The following NFYB variants were observed in gnomAD, a reference collection of about 807,000 sequenced individuals.
NFYB encodes CAAT box DNA-binding protein subunit B.
NFYB carries 13 observed loss-of-function variants against 28.0 expected under a neutral mutation model. The ratio of observed to expected loss-of-function variants is 0.46; its 90% CI spans 0.30 to 0.74. The LOEUF (loss-of-function observed/expected upper bound fraction) is 0.74. Ranked by LOEUF, NFYB falls within the 30% of genes least tolerant of loss-of-function variation. The probability of loss-of-function intolerance (pLI) is 0.07; values close to 1 mark genes in which losing one functional copy is unlikely to be tolerated. For synonymous variants in NFYB, 74 were observed against 75.0 expected (o/e 0.99, Z 0.07); for missense variants, 142 against 247.6 (o/e 0.57, Z 2.86).
chr12:104,120,307 G>A (rs556129854), intron 7 of NFYB, 93 bp downstream of exon 7: 16 of 975,296 alleles, frequency 1.6e-5, no homozygotes, highest in East Asian at 1.3e-4. Context: ...CACCCACCTC[G>A]GCCTCCCAAG....
At chr12:104,134,267 C>T (rs1254711325) in intron 2 of NFYB, among the ~76,000 whole-genome samples, 2 of 152,160 alleles carry the variant, frequency 1.3e-5, no homozygotes, top group Admixed American at 6.5e-5. Context: ...ACTCAAGCAA[C>T]CCATGCCTGT....
At chr12:104,121,871 G>T (rs1189778051) in intron 5 of NFYB, among the ~76,000 whole-genome samples, 1 of 152,108 alleles carries the variant, frequency 6.6e-6, no homozygotes, top group Non-Finnish European at 1.5e-5. Context: ...AATTTAATGG[G>T]ATTCAAACAC....
rs543231592 is a variant in NFYB at position 104,121,043 on chromosome 12, G to A, written c.511+197C>T. On this transcript the variant is annotated intron_variant, in intron 6 of 7. Coordinates refer to ENST00000240055, the MANE Select transcript of NFYB (RefSeq NM_006166.4). ...AACTCAGTCAGAACTATCAGTGAAAGGTTATAATGTCTACAGAATTAAACT... is the reference window on the plus strand; with the variant it reads ...AACTCAGTCAGAACTATCAGTGAAAAGTTATAATGTCTACAGAATTAAACT... Among the ~76,000 whole-genome samples, 297 of 152,208 alleles carry A rather than the reference G, an allele frequency of 2.0e-3. 2 individuals are homozygous for A. The highest frequency in any genetic ancestry group is 6.9e-3 in the African/African-American group (288 of 41,538).
chr12:104,130,622 G>A (rs2030888838), intron 2 of NFYB, among the ~76,000 whole-genome samples: 2 of 152,146 alleles, frequency 1.3e-5, no homozygotes, highest in East Asian at 1.9e-4. Flanking sequence ...CCAATTAAAT[G>A]TATTTCCATA....
Position 104,126,101 on chromosome 12 carries a change from T to C in NFYB, c.231+13A>G. The C allele has an allele frequency of 6.4e-7, 1 of 1,566,720 alleles. No homozygotes were observed. The highest frequency in any genetic ancestry group is 8.6e-7 in the Non-Finnish European group (1 of 1,162,580). ...CCTTGAAAAAACCTAGTTAAATTTC[T>C]CCTCTACGTTACCTTTCCCGTTTGA... On this transcript the variant is annotated intron_variant, in intron 4 of 7. Transcript: ENST00000240055.
chr12:104,120,625 T>A (rs996632389), intron 6 of NFYB, 146 bp from the exon 7 acceptor site: 2 of 616,136 alleles, frequency 3.2e-6, no homozygotes, highest in Admixed American at 2.9e-5. Context: ...ATCCTCCAAT[T>A]TTCCATTTTA....
At chr12:104,124,864 G>T (rs1339402285) in intron 4 of NFYB, among the ~76,000 whole-genome samples, 1 of 151,998 alleles carries the variant, frequency 6.6e-6, no homozygotes, top group Non-Finnish European at 1.5e-5. Flanking sequence ...AAAACATAAG[G>T]ACAAAATTCT....
At chr12:104,132,942 CAA>C (rs1172378591) in intron 2 of NFYB, among the ~76,000 whole-genome samples, 1 of 152,148 alleles carries the variant, frequency 6.6e-6, no homozygotes, top group East Asian at 1.9e-4. Context: ...TAAATATGGA[CAA>C]AGAGTGGTTA....
chr12:104,126,534 A>C (rs1266125662), intron 3 of NFYB, among the ~76,000 whole-genome samples: 3 of 152,168 alleles, frequency 2.0e-5, no homozygotes, highest in Non-Finnish European at 4.4e-5. Flanking sequence ...CCACCTTCAA[A>C]AATGATCTTT....
chr12:104,128,186 C>T (rs2030790822), intron 3 of NFYB, among the ~76,000 whole-genome samples: 1 of 152,120 alleles, frequency 6.6e-6, no homozygotes, highest in South Asian at 2.1e-4. Context: ...AGAAACTGTA[C>T]AGATTTTAGA....
chr12:104,118,319 T>G lies in NFYB; in HGVS notation c.*1418A>C, dbSNP rs1259826186. Reference sequence around the variant, plus strand: ...TATTTGAATTTACTACAATGAAGTTTGTTTTTTAAATGGAGAGTAGGAGAT... The same window carrying G: ...TATTTGAATTTACTACAATGAAGTTGGTTTTTTAAATGGAGAGTAGGAGAT... On this transcript the variant is annotated 3_prime_UTR_variant, in exon 8 of 8. Transcript: ENST00000240055. The G allele has an allele frequency of 6.6e-6, 1 of 152,596 alleles. No homozygotes were observed. Among genetic ancestry groups the G allele is most frequent in the Non-Finnish European group, 1.5e-5 (1 of 68,026 alleles). 9.5% of individuals were successfully genotyped at this position (152,596 alleles called of 1,614,324 possible).
Position 104,126,211 on chromosome 12 carries a change from G to A in NFYB, c.134C>T (p.Thr45Ile). 6.2e-7 allele frequency: 1 copy of A among 1,603,304 alleles called. No individual in the cohort carries two copies. The highest frequency in any genetic ancestry group is 8.5e-7 in the Non-Finnish European group (1 of 1,175,288). Reference protein sequence around the residue: ...TEDSMNDHEDTNGSKESFREQ... With the variant: ...TEDSMNDHEDINGSKESFREQ... ...TCTGAAACTTTCTTTTGAACCATTT[G>A]TGTCTTCATGATCATTCATGCTGTC... The change falls in exon 4 of 8, where the codon ACA becomes ATA. Residue 45 changes from threonine to isoleucine, a missense_variant. Transcript: ENST00000240055.
Position 104,119,825 on chromosome 12 carries a change from C to A in NFYB, c.592-56G>T, listed in dbSNP as rs572013116. 11 of 1,075,428 alleles carry A rather than the reference C, an allele frequency of 1.0e-5. No homozygotes were observed. The Admixed American group carries it at 1.9e-4, about 19-fold the overall frequency. The allele number at this position is 1,075,428 out of a possible 1,614,324, so 66.6% of individuals were successfully genotyped here. A position where few individuals can be genotyped will look rare whatever the true frequency, so the allele number is the denominator to read the frequency against. On this transcript the variant is annotated intron_variant, in intron 7 of 7. Transcript: ENST00000240055. ...TTAAAGAAAAGGAGATTAAAAGTAC[C>A]ATATGCATATTATAAAAATTCAGTG...
At chr12:104,125,160 T>C (rs1377951943) in intron 4 of NFYB, 1 of 152,186 alleles carries the variant, frequency 6.6e-6, no homozygotes, top group Non-Finnish European at 1.5e-5. Flanking sequence ...GGATTTGTTT[T>C]GGAAAATTCT....
At chr12:104,130,136 G>A (rs1484548860) in intron 2 of NFYB, among the ~76,000 whole-genome samples, 1 of 152,142 alleles carries the variant, frequency 6.6e-6, no homozygotes, top group Admixed American at 6.5e-5. Context: ...ATATCTGTGA[G>A]TGAAAAAATG....
chr12:104,136,355 T>C (rs2136676075), intron 1 of NFYB, among the ~76,000 whole-genome samples: 1 of 152,314 alleles, frequency 6.6e-6, no homozygotes, highest in Middle Eastern at 3.4e-3. Context: ...GAAGATATAC[T>C]GATACGCATC....
At chr12:104,129,760 C>G (rs1227271121) in intron 2 of NFYB, among the ~76,000 whole-genome samples, 1 of 152,102 alleles carries the variant, frequency 6.6e-6, no homozygotes, top group East Asian at 1.9e-4. Context: ...GTGGCATGTG[C>G]CTGTAGTCCT....
At chr12:104,124,124 A>G (rs2030590489) in intron 4 of NFYB, among the ~76,000 whole-genome samples, 1 of 152,238 alleles carries the variant, frequency 6.6e-6, no homozygotes, top group African/African-American at 2.4e-5. Flanking sequence ...TCTCTGCCCT[A>G]GCATTTCCAT....
At position 104,132,936 on chromosome 12, in the gene NFYB, T is replaced by C. The variant is rs2030976152; in HGVS notation, c.6+2512A>G. On this transcript the variant is annotated intron_variant, in intron 2 of 7. Coordinates refer to ENST00000240055, the MANE Select transcript of NFYB (RefSeq NM_006166.4). ...TCGTTAGACTCAAGGAACTGATAAATATGGACAAAGAGTGGTTAAATCCCA... is the reference window on the plus strand; with the variant it reads ...TCGTTAGACTCAAGGAACTGATAAACATGGACAAAGAGTGGTTAAATCCCA... Among the ~76,000 whole-genome samples, 3 of 152,162 alleles carry C rather than the reference T, an allele frequency of 2.0e-5. No homozygotes were observed. In the South Asian group the frequency reaches 6.2e-4, roughly 32 times the overall value.
Sources: allele counts gnomAD v4.1 joint callset (sites outside exome capture counted in the v4.1 genomes callset), GRCh38; gene constraint gnomAD v4.1.1; transcripts MANE v1.5; gene names NCBI Gene and HGNC (gene_info 2026-07-23, HGNC 2026-07-21).